The following CA3 variants were observed in gnomAD, a reference collection of about 807,000 sequenced individuals.
CA3 encodes CA-III.
CA3 carries 30 observed loss-of-function variants against 35.7 expected under a neutral mutation model. The observed-to-expected ratio is 0.84, with a 90% confidence interval of 0.63 to 1.14. CA3 has a LOEUF of 1.14. Ranked by LOEUF, CA3 falls within the 50% of genes most tolerant of loss-of-function variation. CA3 has a pLI of 0.00. For missense variants in CA3, 295 were observed against 328.5 expected, an observed-to-expected ratio of 0.90 and a Z score of 0.79; for synonymous variants, 131 against 130.8, an observed-to-expected ratio of 1.00 and a Z score of -0.01.
chr8:85,441,326 C>A (rs117700146), intron 2 of CA3, among the ~76,000 whole-genome samples: 334 of 152,276 alleles, frequency 2.2e-3, no homozygotes, highest in South Asian at 5.8e-3. Flanking sequence ...TCAACAAGCC[C>A]AAATTAATGC....
rs777592274 is a variant in CA3 at position 85,439,690 on chromosome 8, TCTC to T, written c.35-18_35-16del. ...TGGGTTGTGCCACCAAATAAATACA[TCTC>T]CTCGACTTTATTTCCTAGGTCCTGA... is the stretch of plus-strand genomic sequence containing the variant. On this transcript the variant is annotated intron_variant, in intron 1 of 6. Transcript: ENST00000285381. 2.6e-5 allele frequency: 41 copies of T among 1,586,214 alleles called. No individual in the cohort carries two copies.
rs1811262191 is a variant in CA3, at chr8:85,444,967, AAATTTAGAT to A, written c.445-188_445-180del. Among the ~76,000 whole-genome samples the A allele has an allele frequency of 3.3e-5, 5 of 152,240 alleles. No individual in the cohort carries two copies. In the South Asian group the frequency reaches 8.3e-4, roughly 25 times the overall value. On this transcript the variant is annotated intron_variant, in intron 4 of 6. Coordinates refer to ENST00000285381, the MANE Select transcript of CA3 (RefSeq NM_005181.4). The stretch of plus-strand genomic sequence containing the variant: ...CCTGTACTTCAGAAGCCTGGAGTCC[AAATTTAGAT>A]CAGAAAATATATACTCTAAAATCTT...
rs61743815 is a variant in CA3 at position 85,448,064 on chromosome 8, G to A, written c.694G>A (p.Ala232Thr). ...CAAGCTGCGGAGCCTCCTCTCCAGTGCTGAGAACGAGCCCCCAGTGCCTCT... is the reference window on the plus strand; with the variant it reads ...CAAGCTGCGGAGCCTCCTCTCCAGTACTGAGAACGAGCCCCCAGTGCCTCT... ...MAKLRSLLSS[A>T]ENEPPVPLVS... Residue 232 changes from alanine (A) to threonine (T), a missense_variant, in exon 7 of 7, where the codon GCT (alanine) becomes ACT (threonine). Coordinates refer to ENST00000285381, the MANE Select transcript of CA3 (RefSeq NM_005181.4). 4.3e-4 allele frequency: 691 copies of A among 1,613,398 alleles called. 4 individuals are homozygous for A. The African/African-American group carries it at 8.4e-3, about 20-fold the overall frequency.
rs1811214391 is a variant in CA3, at chr8:85,442,066, A to T, written c.233-7A>T. On this transcript the variant is annotated splice_region_variant and splice_polypyrimidine_tract_variant and intron_variant, in intron 2 of 6. Coordinates refer to ENST00000285381, the MANE Select transcript of CA3 (RefSeq NM_005181.4). ...TTCACTGTTGACCAAGCTTATCTGA[A>T]TCACAGTGCTGAGAGGGGGTCCTCT... 1.1e-5 allele frequency: 15 copies of T among 1,320,548 alleles called. No individual in the cohort carries two copies. Among genetic ancestry groups the T allele is most frequent in the Non-Finnish European group, 1.5e-5 (14 of 912,256 alleles). The allele number at this position is 1,320,548 out of a possible 1,614,324, so 81.8% of individuals were successfully genotyped here.
intron 4 of CA3, 68 bp from the exon 5 acceptor site, chr8:85,445,088 A>G (rs187094288): frequency 9.9e-7 from 1 of 1,011,272 alleles, no homozygotes; most frequent in East Asian, 2.4e-5. Context: ...GATCAAAATC[A>G]GCTTTGAAGA....
rs1585999371 is a variant in CA3, at chr8:85,444,102, C to T, written c.420C>T (p.Ile140=). ...AAGCCCTGAAGCAGCGCGATGGGAT[C>T]GCTGTGATTGGCATTTTTCTGAAGG... ...FKEALKQRDG[I]AVIGIFLKIG... is the part of the protein sequence containing the mutation. The change falls in exon 4 of 7, where the codon ATC becomes ATT. Residue 140 remains isoleucine, a synonymous_variant. Transcript: ENST00000285381. 9.3e-6 allele frequency: 15 copies of T among 1,612,404 alleles called. No individual in the cohort carries two copies. Among genetic ancestry groups the T allele is most frequent in the East Asian group, 2.2e-5 (1 of 44,872 alleles).
intron 5 of CA3, among the ~76,000 whole-genome samples, chr8:85,445,663 C>A (rs907763558): frequency 1.3e-5 from 2 of 152,164 alleles, no homozygotes; most frequent in African/African-American, 4.8e-5. Flanking sequence ...TCACAATAGA[C>A]TCATGTAAGT....
intron 4 of CA3, among the ~76,000 whole-genome samples, chr8:85,444,399 G>A (rs1459620995): frequency 6.6e-6 from 1 of 152,146 alleles, no homozygotes; most frequent in Admixed American, 6.6e-5. Flanking sequence ...GTTGGGGACA[G>A]AGCCTTAGAG....
intron 3 of CA3, among the ~76,000 whole-genome samples, chr8:85,443,254 T>C (rs1811232650): frequency 6.6e-6 from 1 of 152,162 alleles, no homozygotes; most frequent in Admixed American, 6.5e-5. Flanking sequence ...ATTACAAGGG[T>C]TTAAGACAGG....
At chr8:85,439,968 T>A in intron 2 of CA3, 59 bp downstream of exon 2, 1 of 1,371,092 alleles carries the variant, frequency 7.3e-7, no homozygotes, top group African/African-American at 1.4e-5. Context: ...ATTGACAAAA[T>A]GTGGTTTATG....
At chr8:85,441,908 A>C in intron 2 of CA3, 165 bp from the exon 3 acceptor site, 1 of 580,216 alleles carries the variant, frequency 1.7e-6, no homozygotes. Flanking sequence ...ACATATCCCC[A>C]GACTTCATTT....
At chr8:85,444,226 T>A (rs1287298737) in intron 4 of CA3, 100 bp downstream of exon 4, 1 of 705,824 alleles carries the variant, frequency 1.4e-6, no homozygotes, top group African/African-American at 1.8e-5. Flanking sequence ...CCTTCCTCCT[T>A]TCATATGCAT....
rs1586001619 is a variant in CA3, at chr8:85,448,053, T to G, written c.683T>G (p.Leu228Arg). ...TTGCAGATGGCCAAGCTGCGGAGCCTCCTCTCCAGTGCTGAGAACGAGCCC... is the reference window on the plus strand; with the variant it reads ...TTGCAGATGGCCAAGCTGCGGAGCCGCCTCTCCAGTGCTGAGAACGAGCCC... ...SSDQMAKLRS[L>R]LSSAENEPPV... The change falls in exon 7 of 7, where the codon CTC becomes CGC. Residue 228 changes from leucine to arginine, a missense_variant. By Grantham distance (102) the Leu-to-Arg change is moderately radical (BLOSUM62 -2). Transcript: ENST00000285381. 8.7e-6 allele frequency: 14 copies of G among 1,612,348 alleles called. No homozygotes were observed. The highest frequency in any genetic ancestry group is 1.2e-5 in the Non-Finnish European group (14 of 1,179,252).
chr8:85,445,160 G>C lies in CA3; in HGVS notation c.449G>C (p.Gly150Ala). 6.2e-7 allele frequency: 1 copy of C among 1,601,370 alleles called. No individual in the cohort carries two copies. Among genetic ancestry groups the C allele is most frequent in the Non-Finnish European group, 8.5e-7 (1 of 1,170,468 alleles). ...TGGATTTCTGTTTTCTTACAGATAG[G>C]ACATGAGAATGGCGAGTTCCAGATT... ...IAVIGIFLKI[G>A]HENGEFQIFL... Residue 150 changes from glycine to alanine, a missense_variant, in exon 5 of 7, where the codon GGA becomes GCA. Physicochemically the swap from Gly to Ala is moderately conservative, Grantham distance 60 (BLOSUM62 0). Coordinates refer to ENST00000285381, the MANE Select transcript of CA3 (RefSeq NM_005181.4).
chr8:85,439,361 G>T (rs1473888529), intron 1 of CA3, among the ~76,000 whole-genome samples: 1 of 152,078 alleles, frequency 6.6e-6, no homozygotes, highest in Non-Finnish European at 1.5e-5. Flanking sequence ...ACATGGGTGT[G>T]CTCTGAAACC....
At chr8:85,445,900 C>G (rs971303150) in intron 5 of CA3, among the ~76,000 whole-genome samples, 1 of 152,150 alleles carries the variant, frequency 6.6e-6, no homozygotes, top group African/African-American at 2.4e-5. Flanking sequence ...ACAGATAGTT[C>G]TACTCACAGC....
intron 3 of CA3, among the ~76,000 whole-genome samples, chr8:85,443,723 T>G (rs1811238647): frequency 6.6e-6 from 1 of 152,240 alleles, no homozygotes; most frequent in African/African-American, 2.4e-5. Context: ...CCTCTTGCCA[T>G]TCTCTGTAAC....
rs978750634 is a variant in CA3, at chr8:85,448,327, C to T, written c.*174C>T. 14 of 512,326 alleles carry T rather than the reference C, an allele frequency of 2.7e-5. No individual in the cohort carries two copies. Among genetic ancestry groups the T allele is most frequent in the African/African-American group, 1.6e-4 (8 of 51,362 alleles). 31.7% of individuals were successfully genotyped at this position (512,326 alleles called of 1,614,324 possible). A position where few individuals can be genotyped will look rare whatever the true frequency, so the allele number is the denominator to read the frequency against. Reference sequence around the variant, plus strand: ...TTACTTGTTGAAAGAAAGTTACTTTCGACAAGATCTAATATGAAAGCATAG... The same window carrying T: ...TTACTTGTTGAAAGAAAGTTACTTTTGACAAGATCTAATATGAAAGCATAG... On this transcript the variant is annotated 3_prime_UTR_variant, in exon 7 of 7. Coordinates refer to ENST00000285381, the MANE Select transcript of CA3 (RefSeq NM_005181.4).
intron 6 of CA3, among the ~76,000 whole-genome samples, chr8:85,446,600 G>A (rs1811296120): frequency 6.6e-6 from 1 of 152,164 alleles, no homozygotes; most frequent in African/African-American, 2.4e-5. Context: ...TAATTTGGAC[G>A]TTGCCAAATA....
Sources: gnomAD v4.1 joint callset for allele counts (sites outside exome capture counted in the v4.1 genomes callset) on GRCh38, gnomAD v4.1.1 for gene constraint, MANE v1.5 for transcripts, NCBI Gene and HGNC (gene_info 2026-07-23, HGNC 2026-07-21) for gene names.